The following FBXO36 variants were observed in gnomAD, a reference collection of about 807,000 sequenced individuals.
FBXO36 encodes F-box protein 36, also known as F-box only protein 36.
In FBXO36, 18 loss-of-function variants were observed where a neutral mutation model predicts 17.0. The ratio of observed to expected loss-of-function variants is 1.06; its 90% CI spans 0.73 to 1.57. FBXO36 has a LOEUF of 1.57. Ranked by LOEUF, FBXO36 falls within the 40% of genes most tolerant of loss-of-function variation. The pLI is 0.00. For synonymous variants in FBXO36, 83 were observed against 85.3 expected (o/e 0.97, Z 0.15); for missense variants, 229 against 221.9 (o/e 1.03, Z -0.20).
At chr2:229,933,094 G>A in intron 1 of FBXO36, among the ~76,000 whole-genome samples, 1 of 152,128 alleles carries the variant, frequency 6.6e-6, no homozygotes, top group Admixed American at 6.6e-5. Flanking sequence ...AATTGAGTTT[G>A]CATCGAAGAT....
At chr2:229,926,739 A>G (rs1254648910) in intron 1 of FBXO36, among the ~76,000 whole-genome samples, 1 of 148,620 alleles carries the variant, frequency 6.7e-6, no homozygotes, top group Non-Finnish European at 1.5e-5. Context: ...CTCAAAAACA[A>G]AAAAAAAAAT....
chr2:229,922,531 G>C lies in FBXO36; in HGVS notation c.18G>C (p.Pro6=). The C allele has an allele frequency of 6.2e-7, 1 of 1,613,894 alleles. No individual in the cohort carries two copies. Among genetic ancestry groups the C allele is most frequent in the Middle Eastern group, 1.7e-4 (1 of 6,060 alleles). The change falls in exon 1 of 4, where the codon CCG becomes CCC. Residue 6 remains proline (P), a synonymous_variant. Transcript: ENST00000283946. MASWL[P]ETLFETVGQG... ...GTCCCAAGATGGCGTCGTGGCTGCC[G>C]GAGACTCTCTTTGAAACTGTAGGAC...
At chr2:229,954,234 ATTTTTTTT>A (rs60093081) in intron 1 of FBXO36, among the ~76,000 whole-genome samples, 48 of 71,408 alleles carry the variant, frequency 6.7e-4, no homozygotes, top group Middle Eastern at 0.015. Context: ...AACCCTTTGG[ATTTTTTTT>A]TTTTTTTTTT....
chr2:230,005,790 C>T (rs2077384251), intron 3 of FBXO36, among the ~76,000 whole-genome samples: 1 of 152,126 alleles, frequency 6.6e-6, no homozygotes, highest in African/African-American at 2.4e-5. Context: ...GCCTCAGCCT[C>T]CTGAGTAGCT....
At chr2:229,982,146 C>T (rs2077243732) in intron 2 of FBXO36, among the ~76,000 whole-genome samples, 2 of 152,012 alleles carry the variant, frequency 1.3e-5, no homozygotes, top group Admixed American at 1.3e-4. Flanking sequence ...ACCTCAGCCT[C>T]CTAAGTAGCT....
At chr2:229,942,006 G>C (rs1560434109) in intron 1 of FBXO36, among the ~76,000 whole-genome samples, 1 of 151,954 alleles carries the variant, frequency 6.6e-6, no homozygotes. Context: ...ACAGAGCAAG[G>C]CTCAGTCTAA....
chr2:229,969,298 C>A (rs2077169117), intron 1 of FBXO36, among the ~76,000 whole-genome samples: 3 of 151,008 alleles, frequency 2.0e-5, no homozygotes, highest in Admixed American at 6.6e-5. Flanking sequence ...CTCACTGTAA[C>A]CTTGACTTCC....
In FBXO36 at chr2:229,995,592, C is replaced by CTTTTTT. The variant is rs748422157; in HGVS notation, c.206-1156_206-1155insTTTTTT. On this transcript the variant is annotated intron_variant, in intron 2 of 3. Transcript: ENST00000283946. ...TTTCTTTCTTTCTTTCTCTTTCTTT[C>CTTTTTT]TTTCTTTTTTTTTTTTTTGGACAGA... 3.8e-4 allele frequency among the ~76,000 whole-genome samples: 43 copies of CTTTTTT among 114,552 alleles called. 4 individuals are homozygous for CTTTTTT. Among genetic ancestry groups the CTTTTTT allele is most frequent in the East Asian group, 4.9e-4 (2 of 4,064 alleles). The allele number at this position is 114,552 out of a possible 152,430, so 75.2% of individuals were successfully genotyped here. A position where few individuals can be genotyped will look rare whatever the true frequency, so the allele number is the denominator to read the frequency against.
chr2:229,988,840 TTTTG>T (rs1560451721), intron 2 of FBXO36, among the ~76,000 whole-genome samples: 2 of 147,098 alleles, frequency 1.4e-5, no homozygotes, highest in Non-Finnish European at 3.0e-5. Context: ...TTTTTTTTTT[TTTTG>T]TTTTTTTTTT....
intron 1 of FBXO36, among the ~76,000 whole-genome samples, chr2:229,959,841 A>G (rs1326804260): frequency 6.6e-6 from 1 of 151,176 alleles, no homozygotes; most frequent in Admixed American, 6.6e-5. Context: ...GCTAGACTCC[A>G]TCTCAAAAAA....
rs142798885 is a variant in FBXO36 at position 229,932,085 on chromosome 2, A to G, written c.96+9476A>G. 2.6e-3 allele frequency among the ~76,000 whole-genome samples: 394 copies of G among 151,964 alleles called. 1 individual carries two copies. The highest frequency in any genetic ancestry group is 9.1e-3 in the African/African-American group (377 of 41,474). On this transcript the variant is annotated intron_variant, in intron 1 of 3. Coordinates refer to ENST00000283946, the MANE Select transcript of FBXO36 (RefSeq NM_174899.5). The stretch of plus-strand genomic sequence containing the variant: ...AGGCCCGTTCCACCATGCCCAGCTA[A>G]GAAAGTAGTGTTTTAGGCTGGGCGC...
rs150516116 is a variant in FBXO36 at position 229,959,707 on chromosome 2, G to A, written c.97-16534G>A. Among the ~76,000 whole-genome samples the A allele has an allele frequency of 5.4e-3, 816 of 152,114 alleles. 8 individuals are homozygous for A. Among genetic ancestry groups the A allele is most frequent in the African/African-American group, 0.018 (754 of 41,486 alleles). On this transcript the variant is annotated intron_variant, in intron 1 of 3. Coordinates refer to ENST00000283946, the MANE Select transcript of FBXO36 (RefSeq NM_174899.5). Reference sequence around the variant, plus strand: ...AAAAATACAAAAAAATTAGCTGAGCGTGGTGGTGGGCGCCTGTAGTCCCAG... The same window carrying A: ...AAAAATACAAAAAAATTAGCTGAGCATGGTGGTGGGCGCCTGTAGTCCCAG...
intron 1 of FBXO36, chr2:229,973,337 T>C (rs2077190750): frequency 6.6e-6 from 1 of 152,114 alleles, no homozygotes; most frequent in Admixed American, 6.6e-5. Flanking sequence ...GCAGCACATA[T>C]ACTAAAACTA....
chr2:229,958,020 A>T (rs2077097726), intron 1 of FBXO36, among the ~76,000 whole-genome samples: 1 of 152,166 alleles, frequency 6.6e-6, no homozygotes, highest in African/African-American at 2.4e-5. Flanking sequence ...AATTTGGTAC[A>T]GTGGAACCAC....
intron 1 of FBXO36, among the ~76,000 whole-genome samples, chr2:229,962,052 A>G (rs1054051032): frequency 3.3e-5 from 5 of 151,986 alleles, no homozygotes; most frequent in African/African-American, 1.2e-4. Context: ...GCACAGTGGC[A>G]TGCGCCTGTA....
intron 1 of FBXO36, among the ~76,000 whole-genome samples, chr2:229,960,576 G>A (rs760655765): frequency 9.2e-5 from 14 of 152,056 alleles, no homozygotes; most frequent in Non-Finnish European, 2.1e-4. Flanking sequence ...CTGCAGCCTC[G>A]AACACCTGAG....
At chr2:229,992,128 G>T (rs1254710439) in intron 2 of FBXO36, among the ~76,000 whole-genome samples, 1 of 151,390 alleles carries the variant, frequency 6.6e-6, no homozygotes, top group African/African-American at 2.4e-5. Flanking sequence ...TAGCTAAATG[G>T]CACAACCCAT....
At chr2:229,977,983 G>GCAAATAAAAATTT (rs1243932568) in intron 2 of FBXO36, among the ~76,000 whole-genome samples, 1 of 152,080 alleles carries the variant, frequency 6.6e-6, no homozygotes, top group Non-Finnish European at 1.5e-5. Context: ...CAGGTGCAGT[G>GCAAATAAAAATTT]GTTCATACCT....
At chr2:229,978,877 A>T (rs1163477807) in intron 2 of FBXO36, among the ~76,000 whole-genome samples, 3 of 152,076 alleles carry the variant, frequency 2.0e-5, no homozygotes, top group Non-Finnish European at 2.9e-5. Flanking sequence ...AACACTCTTT[A>T]AAAAATTCCA....
Sources: gnomAD v4.1 joint callset for allele counts (sites outside exome capture counted in the v4.1 genomes callset) on GRCh38, gnomAD v4.1.1 for gene constraint, MANE v1.5 for transcripts, NCBI Gene and HGNC (gene_info 2026-07-23, HGNC 2026-07-21) for gene names.